ROR1: variants seen among roughly 807,000 people sequenced by gnomAD.
ROR1 encodes the protein ROR family WNT receptor 1.
In ROR1, 19 loss-of-function variants were observed where a neutral mutation model predicts 78.8. The ratio of observed to expected loss-of-function variants is 0.24; its 90% CI spans 0.17 to 0.35. ROR1 has a LOEUF of 0.35. Among genes scored for constraint, ROR1 ranks in the 10% least tolerant of loss-of-function variants. The pLI, the probability that ROR1 is intolerant of heterozygous loss-of-function variation, is 1.00. For synonymous variants in ROR1, 386 were observed against 433.6 expected (o/e 0.89, Z 1.36); for missense variants, 917 against 1,177.8 (o/e 0.78, Z 3.24).
chr1:63,978,920 A>G (rs1484546161), intron 1 of ROR1, among the ~76,000 whole-genome samples: 1 of 152,222 alleles, frequency 6.6e-6, no homozygotes, highest in Non-Finnish European at 1.5e-5. Flanking sequence ...TGTAGTTTCA[A>G]GTCCAAAGGC....
At chr1:63,978,979 A>C (rs1646185939) in intron 1 of ROR1, among the ~76,000 whole-genome samples, 1 of 152,080 alleles carries the variant, frequency 6.6e-6, no homozygotes, top group Non-Finnish European at 1.5e-5. Flanking sequence ...TTCAAGTCTG[A>C]AGGCCATCTG....
intron 8 of ROR1, among the ~76,000 whole-genome samples, chr1:64,171,641 A>G (rs1391289120): frequency 1.3e-5 from 2 of 152,212 alleles, no homozygotes; most frequent in Admixed American, 6.5e-5. Flanking sequence ...GAAAGGGACC[A>G]CAGGGGGAGG....
At chr1:64,032,493 T>A (rs1353626882) in intron 2 of ROR1, among the ~76,000 whole-genome samples, 1 of 152,144 alleles carries the variant, frequency 6.6e-6, no homozygotes, top group Non-Finnish European at 1.5e-5. Context: ...TTTGGAATAA[T>A]GTAGCCCATT....
rs1446331528 is a variant in ROR1, at chr1:63,815,478, C to CTTTTTTTT, written c.91+40975_91+40976insTTTTTTTT. Among the ~76,000 whole-genome samples the CTTTTTTTT allele has an allele frequency of 8.1e-4, 84 of 103,438 alleles. 4 individuals are homozygous for CTTTTTTTT. The highest frequency in any genetic ancestry group is 3.8e-3 in the African/African-American group (72 of 19,018). 67.9% of individuals were successfully genotyped at this position (103,438 alleles called of 152,430 possible). On this transcript the variant is annotated intron_variant, in intron 1 of 8. Coordinates refer to ENST00000371079, the MANE Select transcript of ROR1 (RefSeq NM_005012.4). The stretch of plus-strand genomic sequence containing the variant: ...TTTTCTTTTTCTTTTCTTTTCTTTT[C>CTTTTTTTT]TTTTTCTTTTTTTTTTTTTTTTGAG...
chr1:64,006,144 T>A (rs1417046778), intron 1 of ROR1, among the ~76,000 whole-genome samples: 1 of 152,230 alleles, frequency 6.6e-6, no homozygotes, highest in Non-Finnish European at 1.5e-5. Context: ...GTCTATAAAA[T>A]TAACACTGTA....
At chr1:64,099,062 T>C (rs1399041750) in intron 4 of ROR1, among the ~76,000 whole-genome samples, 1 of 152,142 alleles carries the variant, frequency 6.6e-6, no homozygotes, top group Admixed American at 6.6e-5. Context: ...GCAGAGATTG[T>C]GTTCTCGCAG....
At chr1:63,873,047 G>A (rs957113278) in intron 1 of ROR1, among the ~76,000 whole-genome samples, 3 of 152,014 alleles carry the variant, frequency 2.0e-5, no homozygotes, top group African/African-American at 7.2e-5. Context: ...CCAATAGAGA[G>A]GTATTCTGTC....
chr1:64,021,736 A>C (rs1646566778), intron 2 of ROR1, among the ~76,000 whole-genome samples: 2 of 152,194 alleles, frequency 1.3e-5, no homozygotes, highest in Non-Finnish European at 2.9e-5. Flanking sequence ...TTTTGCTGGT[A>C]GGATATCCTT....
chr1:63,896,532 T>C (rs1373129861), intron 1 of ROR1, among the ~76,000 whole-genome samples: 2 of 152,254 alleles, frequency 1.3e-5, no homozygotes, highest in African/African-American at 2.4e-5. Flanking sequence ...TTGTTGGACT[T>C]AACAGTTCCT....
At chr1:63,777,418 C>T (rs377420875) in intron 1 of ROR1, among the ~76,000 whole-genome samples, 3 of 152,160 alleles carry the variant, frequency 2.0e-5, no homozygotes, top group African/African-American at 4.8e-5. Flanking sequence ...ATTAGAGATG[C>T]CTGAAAATCC....
chr1:63,910,029 T>C (rs1006472021), intron 1 of ROR1, among the ~76,000 whole-genome samples: 1 of 152,202 alleles, frequency 6.6e-6, no homozygotes, highest in African/African-American at 2.4e-5. Flanking sequence ...ATTAACATTC[T>C]CTTAACAAGG....
chr1:63,956,248 G>C (rs527686034), intron 1 of ROR1, among the ~76,000 whole-genome samples: 1 of 152,296 alleles, frequency 6.6e-6, no homozygotes, highest in African/African-American at 2.4e-5. Flanking sequence ...CATTTCTTCT[G>C]TATCGCTCTA....
intron 1 of ROR1, among the ~76,000 whole-genome samples, chr1:63,784,948 GACT>G (rs1644675109): frequency 6.6e-6 from 1 of 152,296 alleles, no homozygotes; most frequent in South Asian, 2.1e-4. Flanking sequence ...CTCTGACACG[GACT>G]TTCTTAGCAC....
intron 1 of ROR1, among the ~76,000 whole-genome samples, chr1:63,823,067 T>G (rs1644932935): frequency 6.6e-6 from 1 of 152,214 alleles, no homozygotes; most frequent in South Asian, 2.1e-4. Flanking sequence ...GGGAATATTA[T>G]TGTTATTTAA....
intron 8 of ROR1, among the ~76,000 whole-genome samples, chr1:64,169,200 A>T (rs1245438593): frequency 3.9e-5 from 6 of 152,224 alleles, no homozygotes; most frequent in Admixed American, 3.9e-4. Flanking sequence ...TAGTAGGGCC[A>T]GGGTCTGCTC....
At chr1:63,782,838 G>A (rs1644660899) in intron 1 of ROR1, among the ~76,000 whole-genome samples, 1 of 152,084 alleles carries the variant, frequency 6.6e-6, no homozygotes, top group Admixed American at 6.6e-5. Context: ...ACCTTTTAGG[G>A]GCAGTAAAAT....
At chr1:63,944,072 T>C (rs1645863280) in intron 1 of ROR1, among the ~76,000 whole-genome samples, 1 of 152,236 alleles carries the variant, frequency 6.6e-6, no homozygotes, top group Non-Finnish European at 1.5e-5. Context: ...TAAAGTATTA[T>C]TAGCATGTTG....
intron 4 of ROR1, among the ~76,000 whole-genome samples, chr1:64,059,560 T>C (rs1008455770): frequency 2.0e-5 from 3 of 151,890 alleles, no homozygotes; most frequent in African/African-American, 7.3e-5. Flanking sequence ...AATACAAAAA[T>C]TAGCCAGGCA....
intron 4 of ROR1, among the ~76,000 whole-genome samples, chr1:64,100,869 G>A (rs1041953687): frequency 5.3e-5 from 8 of 152,172 alleles, no homozygotes; most frequent in Admixed American, 3.9e-4. Context: ...TGCCCCCTCT[G>A]TGCCTGGACC....
Sources: gnomAD v4.1 joint callset for allele counts (sites outside exome capture counted in the v4.1 genomes callset) on GRCh38, gnomAD v4.1.1 for gene constraint, MANE v1.5 for transcripts, NCBI Gene and HGNC (gene_info 2026-07-23, HGNC 2026-07-21) for gene names.